The following GLYR1 variants were observed in gnomAD, a reference collection of about 807,000 sequenced individuals.
The protein encoded by GLYR1 is cytokine-like nuclear factor N-PAC.
A neutral mutation model predicts 72.7 loss-of-function variants in GLYR1; 21 were observed. The ratio of observed to expected loss-of-function variants is 0.29; its 90% CI spans 0.20 to 0.42. The LOEUF is 0.42. GLYR1 is among the 10% of genes least tolerant of loss of function. The pLI, the probability that GLYR1 is intolerant of heterozygous loss-of-function variation, is 1.00. For missense variants in GLYR1, 594 were observed against 712.1 expected, an observed-to-expected ratio of 0.83 and a Z score of 1.89; for synonymous variants, 392 against 270.2, an observed-to-expected ratio of 1.45 and a Z score of -4.42.
At chr16:4,815,930 C>T (rs1419735757) in intron 10 of GLYR1, among the ~76,000 whole-genome samples, 4 of 151,302 alleles carry the variant, frequency 2.6e-5, no homozygotes, top group Admixed American at 6.6e-5. Context: ...TACAGGCGCC[C>T]GCCACTGTGC....
intron 3 of GLYR1, among the ~76,000 whole-genome samples, chr16:4,834,503 C>A (rs1364700030): frequency 6.6e-6 from 1 of 151,092 alleles, no homozygotes; most frequent in Non-Finnish European, 1.5e-5. Context: ...CATTTTGTCA[C>A]CTAGGATGAA....
intron 11 of GLYR1, 39 bp from the exon 12 acceptor site, chr16:4,813,877 C>G (rs753637611): frequency 2.0e-6 from 3 of 1,509,264 alleles, no homozygotes; most frequent in Admixed American, 3.8e-5. Context: ...CCCAGGCTCC[C>G]GGGCAGATGC....
intron 9 of GLYR1, chr16:4,817,926 C>A (rs1342009455): frequency 2.0e-6 from 1 of 503,384 alleles, no homozygotes; most frequent in East Asian, 3.5e-5. Flanking sequence ...CATTTTGAAA[C>A]CCCTGACTGT....
chr16:4,835,226 C>G (rs546828791), intron 3 of GLYR1, among the ~76,000 whole-genome samples: 1 of 152,238 alleles, frequency 6.6e-6, no homozygotes, highest in East Asian at 1.9e-4. Flanking sequence ...CCCAGCCTCA[C>G]AGGAACCCGA....
At chr16:4,809,085 C>A (rs370115284) in intron 15 of GLYR1, among the ~76,000 whole-genome samples, 2 of 151,570 alleles carry the variant, frequency 1.3e-5, no homozygotes, top group African/African-American at 4.9e-5. Context: ...CAATTACATA[C>A]TGTCTATCAA....
chr16:4,816,058 C>T (rs1475731655), intron 10 of GLYR1, among the ~76,000 whole-genome samples: 1 of 152,276 alleles, frequency 6.6e-6, no homozygotes, highest in Middle Eastern at 3.4e-3. Flanking sequence ...CATGAGCCAC[C>T]GCACCCGGCC....
intron 5 of GLYR1, among the ~76,000 whole-genome samples, chr16:4,827,333 C>G (rs567561958): frequency 6.6e-6 from 1 of 152,268 alleles, no homozygotes; most frequent in East Asian, 1.9e-4. Context: ...TTAAAACACA[C>G]CAAAATTCCA....
At chr16:4,816,534 C>T (rs1033510376) in intron 10 of GLYR1, among the ~76,000 whole-genome samples, 1 of 152,110 alleles carries the variant, frequency 6.6e-6, no homozygotes, top group African/African-American at 2.4e-5. Context: ...TACGTATTTG[C>T]TACAAGTACT....
chr16:4,822,537 C>G (rs554065319), intron 7 of GLYR1, among the ~76,000 whole-genome samples: 2 of 147,554 alleles, frequency 1.4e-5, no homozygotes, highest in African/African-American at 5.0e-5. Context: ...ATTACAGGCA[C>G]GCGCCACCAT....
At chr16:4,811,861 G>A (rs2083339395) in intron 13 of GLYR1, 59 bp from the exon 14 acceptor site, 74 of 1,556,288 alleles carry the variant, frequency 4.8e-5, no homozygotes, top group Non-Finnish European at 6.2e-5. Flanking sequence ...GGGCTTCTCT[G>A]TCCACCCTCA....
chr16:4,837,759 C>T (rs920409709), intron 3 of GLYR1, among the ~76,000 whole-genome samples: 1 of 151,978 alleles, frequency 6.6e-6, no homozygotes, highest in African/African-American at 2.4e-5. Flanking sequence ...CGGTGAAACC[C>T]TGTCTCTACT....
chr16:4,822,980 T>TA (rs764134203), intron 6 of GLYR1, 49 bp from the exon 7 acceptor site: 1 of 1,488,134 alleles, frequency 6.7e-7, no homozygotes, highest in Non-Finnish European at 9.4e-7. Flanking sequence ...CCACCAAAGG[T>TA]CACTTCCTTC....
At chr16:4,825,852 C>G (rs1445463303) in intron 5 of GLYR1, among the ~76,000 whole-genome samples, 1 of 151,856 alleles carries the variant, frequency 6.6e-6, no homozygotes, top group East Asian at 1.9e-4. Flanking sequence ...CGGGGTTTCA[C>G]CATGTTAGCC....
intron 10 of GLYR1, among the ~76,000 whole-genome samples, chr16:4,816,058 C>CGGTG (rs1178961265): frequency 2.6e-5 from 4 of 152,158 alleles, no homozygotes; most frequent in African/African-American, 9.7e-5. Flanking sequence ...CATGAGCCAC[C>CGGTG]GCACCCGGCC....
Position 4,806,382 on chromosome 16 carries a change from G to T in GLYR1, c.1588-1072C>A, listed in dbSNP as rs151199097. Among the ~76,000 whole-genome samples, 746 of 152,040 alleles carry T rather than the reference G, an allele frequency of 4.9e-3. 3 individuals carry two copies. Among genetic ancestry groups the T allele is most frequent in the African/African-American group, 0.017 (711 of 41,480 alleles). On this transcript the variant is annotated intron_variant, in intron 15 of 15. Transcript: ENST00000321919. ...GTCTTTTTTTTTTTTCTTGAGACAG[G>T]GTCTTGCTCTGTTGCCCAGGCTGGA...
At chr16:4,825,844 G>C (rs536121310) in intron 5 of GLYR1, among the ~76,000 whole-genome samples, 8 of 152,044 alleles carry the variant, frequency 5.3e-5, no homozygotes, top group African/African-American at 1.7e-4. Context: ...AGTAGAGACG[G>C]GGTTTCACCA....
chr16:4,813,108 G>A (rs2083422742), intron 12 of GLYR1, among the ~76,000 whole-genome samples: 1 of 152,068 alleles, frequency 6.6e-6, no homozygotes. Flanking sequence ...GACTACAGGT[G>A]CCCGCCACCG....
intron 6 of GLYR1, 48 bp from the exon 7 acceptor site, chr16:4,822,979 G>T (rs748010866): frequency 6.6e-7 from 1 of 1,504,462 alleles, no homozygotes; most frequent in South Asian, 1.1e-5. Context: ...GCCACCAAAG[G>T]TCACTTCCTT....
At chr16:4,820,138 A>C (rs2083918465) in intron 9 of GLYR1, among the ~76,000 whole-genome samples, 1 of 151,980 alleles carries the variant, frequency 6.6e-6, no homozygotes. Flanking sequence ...GCTGGGATTA[A>C]AGGCACCCAC....
Sources: gnomAD v4.1 joint callset for allele counts (sites outside exome capture counted in the v4.1 genomes callset) on GRCh38, gnomAD v4.1.1 for gene constraint, MANE v1.5 for transcripts, NCBI Gene and HGNC (gene_info 2026-07-23, HGNC 2026-07-21) for gene names.